Variants in STAG1 observed in about 807,000 individuals in gnomAD.
STAG1 encodes cohesin subunit SA-1.
A neutral mutation model predicts 170.9 loss-of-function variants in STAG1; 26 were observed. The observed-to-expected ratio is 0.15, with a 90% CI of 0.11 to 0.21. The LOEUF (loss-of-function observed/expected upper bound fraction) is 0.21. Ranked by LOEUF, STAG1 falls within the 10% of genes least tolerant of loss-of-function variation. The pLI is 1.00. For synonymous variants in STAG1, 514 were observed against 497.7 expected, an observed-to-expected ratio of 1.03 and a Z score of -0.44; for missense variants, 964 against 1,509.5, an observed-to-expected ratio of 0.64 and a Z score of 5.99.
intron 1 of STAG1, among the ~76,000 whole-genome samples, chr3:136,709,435 G>A (rs186219417): frequency 1.3e-5 from 2 of 152,130 alleles, no homozygotes; most frequent in Admixed American, 6.6e-5. Flanking sequence ...CTGAGTTTTG[G>A]TGAATTTTTC....
At chr3:136,691,530 T>C (rs968668822) in intron 1 of STAG1, among the ~76,000 whole-genome samples, 3 of 152,172 alleles carry the variant, frequency 2.0e-5, no homozygotes, top group Middle Eastern at 3.4e-3. Flanking sequence ...AAGTAGGGCA[T>C]GTAGAAGTTA....
At chr3:136,364,910 C>A (rs1209678611) in intron 25 of STAG1, among the ~76,000 whole-genome samples, 1 of 151,876 alleles carries the variant, frequency 6.6e-6, no homozygotes, top group Non-Finnish European at 1.5e-5. Context: ...CCTTTTAGTG[C>A]AAAGAAGAAT....
At chr3:136,487,590 C>A (rs1396531283) in intron 9 of STAG1, among the ~76,000 whole-genome samples, 1 of 152,152 alleles carries the variant, frequency 6.6e-6, no homozygotes, top group Non-Finnish European at 1.5e-5. Flanking sequence ...AACTTGTCTC[C>A]TCTTTGGGTT....
chr3:136,748,179 G>A (rs1428957382), intron 1 of STAG1, among the ~76,000 whole-genome samples: 1 of 151,720 alleles, frequency 6.6e-6, no homozygotes, highest in Non-Finnish European at 1.5e-5. Flanking sequence ...ACGGTTTCAG[G>A]TCAAGAGTTT....
intron 1 of STAG1, among the ~76,000 whole-genome samples, chr3:136,664,996 T>C (rs746769642): frequency 8.5e-5 from 13 of 152,214 alleles, no homozygotes; most frequent in Non-Finnish European, 1.6e-4. Flanking sequence ...GGCCTTGAAA[T>C]GTAGTGGAGT....
intron 1 of STAG1, among the ~76,000 whole-genome samples, chr3:136,657,910 T>G (rs1941446526): frequency 6.6e-6 from 1 of 152,174 alleles, no homozygotes; most frequent in Admixed American, 6.5e-5. Flanking sequence ...CCTGTTGACT[T>G]GTTGTACTTT....
Position 136,704,331 on chromosome 3 carries a change from G to A in STAG1, c.-84+47864C>T, listed in dbSNP as rs1001936941. On this transcript the variant is annotated intron_variant, in intron 1 of 33. Transcript: ENST00000383202. ...CTCCCAAAGTACTGGGATTACAGGC[G>A]TGAGCCAACGAGCCCAGGCATGATT... 5.9e-5 allele frequency among the ~76,000 whole-genome samples: 9 copies of A among 152,050 alleles called. No individual in the cohort carries two copies. In the East Asian group the frequency reaches 9.9e-4, roughly 17 times the overall value.
At chr3:136,733,879 G>T (rs1034130230) in intron 1 of STAG1, among the ~76,000 whole-genome samples, 1 of 152,114 alleles carries the variant, frequency 6.6e-6, no homozygotes, top group African/African-American at 2.4e-5. Flanking sequence ...AGGCCAAGGC[G>T]GGCGGATCAC....
intron 4 of STAG1, among the ~76,000 whole-genome samples, chr3:136,603,602 T>C (rs905755436): frequency 2.6e-5 from 4 of 152,174 alleles, no homozygotes; most frequent in Admixed American, 2.0e-4. Context: ...AAGAAAGTTA[T>C]GGCCGGGCGC....
At chr3:136,520,318 GA>G in intron 7 of STAG1, among the ~76,000 whole-genome samples, 1 of 152,038 alleles carries the variant, frequency 6.6e-6, no homozygotes, top group East Asian at 1.9e-4. Context: ...AGATAAATGA[GA>G]AATTAAAATT....
chr3:136,340,907 C>A (rs545642726), intron 31 of STAG1, among the ~76,000 whole-genome samples: 2 of 152,058 alleles, frequency 1.3e-5, no homozygotes, highest in Non-Finnish European at 2.9e-5. Flanking sequence ...AAATGAGGAA[C>A]CTGAAGCACA....
intron 1 of STAG1, among the ~76,000 whole-genome samples, chr3:136,661,868 A>G (rs1941593367): frequency 6.6e-6 from 1 of 152,212 alleles, no homozygotes; most frequent in South Asian, 2.1e-4. Flanking sequence ...CCCATTTTAC[A>G]CAAGGCACAG....
intron 21 of STAG1, among the ~76,000 whole-genome samples, chr3:136,415,754 G>A (rs538879048): frequency 5.3e-5 from 8 of 152,236 alleles, no homozygotes; most frequent in South Asian, 2.1e-4. Context: ...CCCAGGAAGC[G>A]GAGGTCACAG....
intron 6 of STAG1, among the ~76,000 whole-genome samples, chr3:136,530,059 T>C (rs960822707): frequency 7.9e-5 from 12 of 151,692 alleles, no homozygotes; most frequent in Admixed American, 2.6e-4. Context: ...TCCACACAAA[T>C]AGAAATGAAA....
intron 26 of STAG1, among the ~76,000 whole-genome samples, chr3:136,362,699 T>A (rs1936922863): frequency 6.6e-6 from 1 of 151,898 alleles, no homozygotes; most frequent in South Asian, 2.1e-4. Flanking sequence ...GAAAGAGGAT[T>A]TAAAAAATAT....
Position 136,504,694 on chromosome 3 carries a change from G to A in STAG1, c.677-1915C>T, listed in dbSNP as rs368869737. Among the ~76,000 whole-genome samples, 8 of 152,028 alleles carry A rather than the reference G, an allele frequency of 5.3e-5. No homozygotes were observed. In the East Asian group the frequency reaches 5.8e-4, roughly 11 times the overall value. On this transcript the variant is annotated intron_variant, in intron 7 of 33. Transcript: ENST00000383202. ...CAGTATCTACCTCTACATACCTAACGCAAAATGACTTGAATATCCAGGAGC... is the reference window on the plus strand; with the variant it reads ...CAGTATCTACCTCTACATACCTAACACAAAATGACTTGAATATCCAGGAGC...
chr3:136,389,843 T>A (rs1037121100), intron 22 of STAG1, among the ~76,000 whole-genome samples: 1 of 148,904 alleles, frequency 6.7e-6, no homozygotes, highest in East Asian at 2.0e-4. Context: ...TTTTCTTTTT[T>A]TTTTTTGAGA....
intron 1 of STAG1, among the ~76,000 whole-genome samples, chr3:136,723,085 C>A (rs1403058423): frequency 3.3e-5 from 5 of 152,230 alleles, no homozygotes; most frequent in Non-Finnish European, 5.9e-5. Context: ...CCCAAAGTGC[C>A]GAGATTGCAG....
chr3:136,477,860 G>C (rs1047486445), intron 9 of STAG1, among the ~76,000 whole-genome samples: 1 of 151,956 alleles, frequency 6.6e-6, no homozygotes, highest in Non-Finnish European at 1.5e-5. Context: ...GCATGATTTC[G>C]GCTGACTGCA....
Sources: allele counts gnomAD v4.1 joint callset (sites outside exome capture counted in the v4.1 genomes callset), GRCh38; gene constraint gnomAD v4.1.1; transcripts MANE v1.5; gene names NCBI Gene and HGNC (gene_info 2026-07-23, HGNC 2026-07-21).